NTM: variants seen among roughly 807,000 people sequenced by gnomAD.
The protein encoded by NTM is neurotrimin.
A neutral mutation model predicts 42.1 loss-of-function variants in NTM; 13 were observed. That is an observed-to-expected ratio of 0.31 (90% CI 0.20 to 0.49). NTM has a LOEUF of 0.49. Among genes scored for constraint, NTM ranks in the 20% least tolerant of loss-of-function variants. The pLI, the probability that NTM is intolerant of heterozygous loss-of-function variation, is 0.99. For missense variants in NTM, 373 were observed against 452.8 expected (o/e 0.82, Z 1.60); for synonymous variants, 187 against 179.2 (o/e 1.04, Z -0.35).
intron 1 of NTM, among the ~76,000 whole-genome samples, chr11:131,625,436 T>C (rs2063002302): frequency 6.6e-6 from 1 of 151,944 alleles, no homozygotes. Context: ...TTGGGATTAA[T>C]AGAAATTAGT....
chr11:131,846,172 TA>T (rs1472994088), intron 1 of NTM, among the ~76,000 whole-genome samples: 2 of 152,196 alleles, frequency 1.3e-5, no homozygotes. Flanking sequence ...TCCTGTTAAT[TA>T]AAAGACTCTG....
chr11:132,220,725 C>T (rs1428973278), intron 4 of NTM, among the ~76,000 whole-genome samples: 1 of 152,176 alleles, frequency 6.6e-6, no homozygotes, highest in African/African-American at 2.4e-5. Flanking sequence ...GAGTCTTAAG[C>T]TATTTATGCC....
At chr11:132,257,107 G>T (rs945605476) in intron 4 of NTM, among the ~76,000 whole-genome samples, 1 of 152,170 alleles carries the variant, frequency 6.6e-6, no homozygotes, top group Non-Finnish European at 1.5e-5. Flanking sequence ...GCACCCAGGG[G>T]GAAAATGCAC....
intron 1 of NTM, among the ~76,000 whole-genome samples, chr11:131,715,877 A>G (rs940928118): frequency 6.6e-6 from 1 of 152,194 alleles, no homozygotes; most frequent in East Asian, 1.9e-4. Flanking sequence ...TGCATATATC[A>G]TGTGTTTATG....
intron 1 of NTM, among the ~76,000 whole-genome samples, chr11:131,699,761 T>G (rs1450651239): frequency 6.6e-6 from 1 of 152,008 alleles, no homozygotes; most frequent in Non-Finnish European, 1.5e-5. Flanking sequence ...CCATCAGATC[T>G]CATGAGAACA....
chr11:132,020,196 C>T (rs974548006), intron 2 of NTM, among the ~76,000 whole-genome samples: 6 of 152,098 alleles, frequency 3.9e-5, no homozygotes, highest in Admixed American at 6.6e-5. Flanking sequence ...CGTAGTATTC[C>T]ATGGTTTATA....
At chr11:132,270,072 G>A (rs550854619) in intron 4 of NTM, among the ~76,000 whole-genome samples, 4 of 152,048 alleles carry the variant, frequency 2.6e-5, no homozygotes, top group Non-Finnish European at 5.9e-5. Flanking sequence ...GCAACCACTC[G>A]TGTGGCCTCT....
At chr11:132,050,877 A>T (rs942439025) in intron 2 of NTM, among the ~76,000 whole-genome samples, 2 of 152,144 alleles carry the variant, frequency 1.3e-5, no homozygotes, top group African/African-American at 4.8e-5. Flanking sequence ...TCATACTTAC[A>T]TGTCTTGCCT....
At chr11:132,300,227 G>GTATT (rs2094793321) in intron 4 of NTM, among the ~76,000 whole-genome samples, 1 of 152,154 alleles carries the variant, frequency 6.6e-6, no homozygotes, top group Non-Finnish European at 1.5e-5. Context: ...AGGATCATGT[G>GTATT]TATTAAAAAT....
intron 2 of NTM, among the ~76,000 whole-genome samples, chr11:131,970,732 T>A (rs2063419429): frequency 6.6e-6 from 1 of 152,210 alleles, no homozygotes; most frequent in African/African-American, 2.4e-5. Context: ...TTACCACAGA[T>A]GCAGGGTGGC....
At chr11:131,825,083 G>T (rs2041970700) in intron 1 of NTM, among the ~76,000 whole-genome samples, 1 of 152,166 alleles carries the variant, frequency 6.6e-6, no homozygotes, top group South Asian at 2.1e-4. Context: ...AGGGCTATGA[G>T]GGAGAATCTG....
chr11:131,816,928 G>A (rs2092976776), intron 1 of NTM, among the ~76,000 whole-genome samples: 1 of 152,104 alleles, frequency 6.6e-6, no homozygotes, highest in Non-Finnish European at 1.5e-5. Context: ...TTCTGAGTGG[G>A]TTTCTGAGTG....
At position 131,997,198 on chromosome 11, in the gene NTM, G is replaced by A. The variant is rs552431578; in HGVS notation, c.167+85550G>A. On this transcript the variant is annotated intron_variant, in intron 2 of 8. Transcript: ENST00000683400. Reference sequence around the variant, plus strand: ...GCTTGTTTGGGTTCTGTATGTAGGGGCTTGACAGCCAGAGTGGCTTTGCAG... The same window carrying A: ...GCTTGTTTGGGTTCTGTATGTAGGGACTTGACAGCCAGAGTGGCTTTGCAG... Among the ~76,000 whole-genome samples the A allele has an allele frequency of 8.5e-5, 13 of 152,258 alleles. No individual in the cohort carries two copies. The South Asian group carries it at 1.5e-3, about 17-fold the overall frequency.
chr11:131,965,552 T>A (rs2062732182), intron 2 of NTM, among the ~76,000 whole-genome samples: 1 of 152,208 alleles, frequency 6.6e-6, no homozygotes, highest in Non-Finnish European at 1.5e-5. Context: ...TTAGACTAAT[T>A]GTCAAATGAA....
rs570015570 is a variant in NTM, at chr11:132,192,516, G to A, written c.401-19506G>A. 2.4e-4 allele frequency among the ~76,000 whole-genome samples: 36 copies of A among 152,188 alleles called. 1 individual carries two copies. In the South Asian group the frequency reaches 2.9e-3, roughly 12 times the overall value. On this transcript the variant is annotated intron_variant, in intron 3 of 8. Transcript: ENST00000683400. Reference sequence around the variant, plus strand: ...CTTCACAAGAGTTCCTAAAGGGAGTGGCAAACATGGAAAAGAAAGAATAGT... The same window carrying A: ...CTTCACAAGAGTTCCTAAAGGGAGTAGCAAACATGGAAAAGAAAGAATAGT...
intron 1 of NTM, among the ~76,000 whole-genome samples, chr11:131,413,918 C>A (rs1946686681): frequency 6.6e-6 from 1 of 152,092 alleles, no homozygotes; most frequent in South Asian, 2.1e-4. Context: ...GACAAGGCCT[C>A]CTGTGGCGAA....
At chr11:131,716,189 T>C (rs2077672427) in intron 1 of NTM, among the ~76,000 whole-genome samples, 1 of 152,188 alleles carries the variant, frequency 6.6e-6, no homozygotes, top group African/African-American at 2.4e-5. Context: ...CAAGTTCGCC[T>C]GGGCCTTTTT....
intron 1 of NTM, among the ~76,000 whole-genome samples, chr11:131,493,386 A>G (rs976479745): frequency 1.5e-4 from 23 of 152,338 alleles, no homozygotes; most frequent in African/African-American, 5.3e-4. Flanking sequence ...CCCAAGACCC[A>G]TGGAAAAAAA....
intron 1 of NTM, among the ~76,000 whole-genome samples, chr11:131,598,720 T>G (rs2060064308): frequency 1.1e-5 from 1 of 90,530 alleles, no homozygotes; most frequent in Non-Finnish European, 2.4e-5. Context: ...TCTTTCTTTC[T>G]TTCTTTCTTT....
Sources: gnomAD v4.1 joint callset for allele counts (sites outside exome capture counted in the v4.1 genomes callset) on GRCh38, gnomAD v4.1.1 for gene constraint, MANE v1.5 for transcripts, NCBI Gene and HGNC (gene_info 2026-07-23, HGNC 2026-07-21) for gene names.